The following HMGB1 variants were observed in gnomAD, a reference collection of about 807,000 sequenced individuals.
HMGB1 encodes high mobility group box 1, also known as high mobility group protein B1.
For synonymous variants in HMGB1, 81 were observed against 84.0 expected, an observed-to-expected ratio of 0.96 and a Z score of 0.19; for missense variants, 79 against 253.5, an observed-to-expected ratio of 0.31 and a Z score of 4.67.
intron 1 of HMGB1, among the ~76,000 whole-genome samples, chr13:30,614,707 G>GT (rs573136925): frequency 2.7e-4 from 41 of 151,756 alleles, no homozygotes; most frequent in African/African-American, 9.7e-4. Flanking sequence ...TTTTGTTTTT[G>GT]TTTTTTTGAG....
At chr13:30,592,594 T>G (rs1871415613) in intron 1 of HMGB1, among the ~76,000 whole-genome samples, 1 of 152,158 alleles carries the variant, frequency 6.6e-6, no homozygotes, top group Non-Finnish European at 1.5e-5. Flanking sequence ...AACTATTCCC[T>G]GCAGAAACCT....
intron 1 of HMGB1, among the ~76,000 whole-genome samples, chr13:30,560,882 A>G (rs1021918968): frequency 6.6e-6 from 1 of 152,162 alleles, no homozygotes; most frequent in African/African-American, 2.4e-5. Context: ...ATTTGAAATA[A>G]CTTCTTAGAC....
chr13:30,528,928 C>A (rs1315244660), intron 1 of HMGB1, among the ~76,000 whole-genome samples: 1 of 145,540 alleles, frequency 6.9e-6, no homozygotes, highest in Non-Finnish European at 1.5e-5. Flanking sequence ...CCTTGGTAGG[C>A]TGAGGCAGGA....
intron 1 of HMGB1, chr13:30,464,731 G>A (rs1260852203): frequency 2.3e-5 from 15 of 652,424 alleles, no homozygotes; most frequent in Non-Finnish European, 2.8e-5. Flanking sequence ...CCGCGAGGGC[G>A]AGCGCGAGCG....
intron 1 of HMGB1, among the ~76,000 whole-genome samples, chr13:30,569,997 G>A (rs1870360175): frequency 6.6e-6 from 1 of 152,170 alleles, no homozygotes; most frequent in South Asian, 2.1e-4. Context: ...TTTGGTAGGA[G>A]GAAGACGAGA....
intron 1 of HMGB1, among the ~76,000 whole-genome samples, chr13:30,538,704 T>G (rs1868685834): frequency 8.3e-6 from 1 of 121,050 alleles, no homozygotes; most frequent in Non-Finnish European, 1.7e-5. Flanking sequence ...TTTCTTTCTT[T>G]TTCTTTCTTT....
rs764565688 is a variant in HMGB1 at position 30,559,576 on chromosome 13, T to C, written c.-15+57095A>G. 2.6e-5 allele frequency among the ~76,000 whole-genome samples: 4 copies of C among 152,110 alleles called. No homozygotes were observed. Among genetic ancestry groups the C allele is most frequent in the Admixed American group, 6.6e-5 (1 of 15,258 alleles). On this transcript the variant is annotated intron_variant, in intron 1 of 4. Transcript: ENST00000405805. The surrounding 1 kb of genome is among the most constrained non-coding windows in gnomAD (Gnocchi z 6.6). Reference sequence around the variant, plus strand: ...AGGCTGCCTGCTCTAACACATGAGATTAAATTTAGATAGCCACATAGGGAA... The same window carrying C: ...AGGCTGCCTGCTCTAACACATGAGACTAAATTTAGATAGCCACATAGGGAA...
At chr13:30,472,391 A>G (rs1192760321) in intron 1 of HMGB1, among the ~76,000 whole-genome samples, 1 of 152,196 alleles carries the variant, frequency 6.6e-6, no homozygotes, top group African/African-American at 2.4e-5. Flanking sequence ...ACTTAAGGTC[A>G]GGGGTTTGAG....
intron 1 of HMGB1, among the ~76,000 whole-genome samples, chr13:30,497,674 T>C (rs905962300): frequency 2.6e-5 from 4 of 152,176 alleles, no homozygotes; most frequent in Non-Finnish European, 5.9e-5. Flanking sequence ...ACTCACTGTT[T>C]AGCTCCCACT....
chr13:30,522,421 T>A (rs949776076), intron 1 of HMGB1, among the ~76,000 whole-genome samples: 5 of 152,056 alleles, frequency 3.3e-5, no homozygotes, highest in African/African-American at 1.2e-4. Context: ...CGCTTCTAGT[T>A]TCTGAGACCA....
intron 1 of HMGB1, among the ~76,000 whole-genome samples, chr13:30,585,892 C>T (rs759747116): frequency 5.9e-5 from 9 of 152,044 alleles, no homozygotes; most frequent in Non-Finnish European, 1.3e-4. Context: ...CATTTCTTTC[C>T]TCTTGACCAC....
intron 1 of HMGB1, among the ~76,000 whole-genome samples, chr13:30,566,876 A>G (rs1409435301): frequency 6.6e-6 from 1 of 152,244 alleles, no homozygotes; most frequent in Admixed American, 6.5e-5. Context: ...ACATCACCTA[A>G]ATAGAAACTG....
intron 1 of HMGB1, among the ~76,000 whole-genome samples, chr13:30,499,018 T>G (rs539617240): frequency 2.0e-4 from 30 of 151,402 alleles, no homozygotes; most frequent in Admixed American, 1.8e-3. Flanking sequence ...ACTGGTGCAA[T>G]CTCGGCTCAC....
Position 30,564,325 on chromosome 13 carries a change from T to C in HMGB1, c.-15+52346A>G, listed in dbSNP as rs557224191. Among the ~76,000 whole-genome samples, 159 of 150,366 alleles carry C rather than the reference T, an allele frequency of 1.1e-3. 1 individual carries two copies. The highest frequency in any genetic ancestry group is 2.4e-4 in the Non-Finnish European group (16 of 67,778). ...AATTTAGCTGGGTTTTGGTGGCTTA[T>C]GCCTGCAGTCCCAGCTACTCGGGAG... On this transcript the variant is annotated intron_variant, in intron 1 of 4. Coordinates refer to the HMGB1 transcript ENST00000405805.
At chr13:30,547,412 T>A (rs1316244205) in intron 1 of HMGB1, among the ~76,000 whole-genome samples, 1 of 152,218 alleles carries the variant, frequency 6.6e-6, no homozygotes, top group Non-Finnish European at 1.5e-5. Flanking sequence ...TATTTTCAAC[T>A]GACTCAAGAT....
At chr13:30,524,043 A>G (rs1418287176) in intron 1 of HMGB1, among the ~76,000 whole-genome samples, 1 of 152,160 alleles carries the variant, frequency 6.6e-6, no homozygotes, top group Non-Finnish European at 1.5e-5. Flanking sequence ...TTGCAGGGAC[A>G]TGGATGAAGC....
intron 1 of HMGB1, among the ~76,000 whole-genome samples, chr13:30,517,254 T>C (rs1322850800): frequency 6.6e-6 from 1 of 152,340 alleles, no homozygotes; most frequent in East Asian, 1.9e-4. Context: ...TTCTAACAAG[T>C]TCCCAGGTGA....
At chr13:30,568,872 A>G (rs1484454442) in intron 1 of HMGB1, among the ~76,000 whole-genome samples, 1 of 152,158 alleles carries the variant, frequency 6.6e-6, no homozygotes, top group Non-Finnish European at 1.5e-5. Flanking sequence ...ACTCTAATAC[A>G]CAGTATAAAA....
At chr13:30,550,939 T>C (rs1309485979) in intron 1 of HMGB1, among the ~76,000 whole-genome samples, 2 of 152,214 alleles carry the variant, frequency 1.3e-5, no homozygotes, top group Non-Finnish European at 2.9e-5. Context: ...GTGAAGGTAC[T>C]TTAAGTGGCA....
Sources: gnomAD v4.1 joint callset for allele counts (sites outside exome capture counted in the v4.1 genomes callset) on GRCh38, gnomAD v4.1.1 for gene constraint, Gnocchi (gnomAD v3.1) non-coding constraint, MANE v1.5 for transcripts, NCBI Gene and HGNC (gene_info 2026-07-23, HGNC 2026-07-21) for gene names.